The following BCL7A variants were observed in gnomAD, a reference collection of about 807,000 sequenced individuals.
BCL7A encodes B-cell CLL/lymphoma 7 protein family member A.
In BCL7A, 11 loss-of-function variants were observed where a neutral mutation model predicts 28.4. The ratio of observed to expected loss-of-function variants is 0.39; its 90% CI spans 0.24 to 0.64. BCL7A has a LOEUF of 0.64. Among genes scored for constraint, BCL7A ranks in the 30% least tolerant of loss-of-function variants. The probability of loss-of-function intolerance (pLI) is 0.50; values close to 1 mark genes in which losing one functional copy is unlikely to be tolerated. For synonymous variants in BCL7A, 123 were observed against 103.3 expected, an observed-to-expected ratio of 1.19 and a Z score of -1.15; for missense variants, 222 against 274.8, an observed-to-expected ratio of 0.81 and a Z score of 1.36.
At chr12:122,038,609 C>CCT (rs1489706851) in intron 3 of BCL7A, among the ~76,000 whole-genome samples, 7 of 152,008 alleles carry the variant, frequency 4.6e-5, no homozygotes. Context: ...ATCCCCTTTC[C>CCT]CTCTGGGGAC....
At chr12:122,050,039 A>C (rs1013556731) in intron 4 of BCL7A, among the ~76,000 whole-genome samples, 2 of 152,130 alleles carry the variant, frequency 1.3e-5, no homozygotes, top group Non-Finnish European at 2.9e-5. Context: ...CAGTGATGCA[A>C]TCTGGGCTCA....
At chr12:122,027,930 G>C (rs1169096) in intron 1 of BCL7A, among the ~76,000 whole-genome samples, 50,992 of 152,084 alleles carry the variant, frequency 0.34, 8,923 homozygotes, top group East Asian at 0.56. Flanking sequence ...TTGGGGAGGG[G>C]TATGTGTTCT....
In BCL7A at chr12:122,060,172, C is replaced by T. The variant is rs571859736; in HGVS notation, c.*1009C>T. On this transcript the variant is annotated 3_prime_UTR_variant, in exon 6 of 6. Transcript: ENST00000261822. ...ATAGGACGTCGCTTGGATTTCAAAT[C>T]CACGGTCACCTGCTGCCCTTTGCCT... 4.7e-5 allele frequency: 11 copies of T among 233,194 alleles called. No homozygotes were observed. In the South Asian group the frequency reaches 2.0e-3, roughly 42 times the overall value. The allele number at this position is 233,194 out of a possible 1,614,324, so 14.4% of individuals were successfully genotyped here. A position where few individuals can be genotyped will look rare whatever the true frequency, so the allele number is the denominator to read the frequency against.
Position 122,054,785 on chromosome 12 carries a change from T to G in BCL7A, c.440-20T>G. Reference sequence around the variant, plus strand: ...CTCACGTGTCTGAAAACAGCTCCTGTCGTCTTGCTCTTCCCTCAGATGCTT... The same window carrying G: ...CTCACGTGTCTGAAAACAGCTCCTGGCGTCTTGCTCTTCCCTCAGATGCTT... On this transcript the variant is annotated intron_variant, in intron 4 of 5. Coordinates refer to ENST00000261822, the MANE Select transcript of BCL7A (RefSeq NM_001024808.3). 6.2e-7 allele frequency: 1 copy of G among 1,608,784 alleles called. No homozygotes were observed. Among genetic ancestry groups the G allele is most frequent in the Non-Finnish European group, 8.5e-7 (1 of 1,176,378 alleles).
intron 5 of BCL7A, among the ~76,000 whole-genome samples, chr12:122,056,714 G>A (rs776689208): frequency 5.3e-5 from 8 of 152,188 alleles, no homozygotes; most frequent in Non-Finnish European, 1.2e-4. Context: ...GCTGAGGCGG[G>A]AGGATTGCTT....
chr12:122,056,454 G>A (rs184986700), intron 5 of BCL7A, among the ~76,000 whole-genome samples: 1 of 152,230 alleles, frequency 6.6e-6, no homozygotes, highest in Non-Finnish European at 1.5e-5. Context: ...AGCTAGGTGT[G>A]TGAGTGACAT....
chr12:122,047,846 T>C (rs1305809429), intron 4 of BCL7A, among the ~76,000 whole-genome samples: 1 of 151,584 alleles, frequency 6.6e-6, no homozygotes. Context: ...TTGAAGCTAT[T>C]TCTCTATCAG....
At chr12:122,041,638 C>G (rs968252257) in intron 3 of BCL7A, among the ~76,000 whole-genome samples, 6 of 152,296 alleles carry the variant, frequency 3.9e-5, no homozygotes, top group African/African-American at 1.4e-4. Context: ...GTGGCACATG[C>G]CTGTGGCCCC....
chr12:122,042,870 A>C (rs889364701), intron 3 of BCL7A, among the ~76,000 whole-genome samples: 4 of 152,168 alleles, frequency 2.6e-5, no homozygotes, highest in African/African-American at 9.7e-5. Flanking sequence ...TTTAAAACCC[A>C]GACCATATTC....
chr12:122,054,107 C>T (rs973695414), intron 4 of BCL7A, among the ~76,000 whole-genome samples: 5 of 152,126 alleles, frequency 3.3e-5, no homozygotes, highest in Non-Finnish European at 5.9e-5. Flanking sequence ...TATTTTGAGA[C>T]GGAGTTTCGC....
In BCL7A at chr12:122,059,167, A is replaced by T. The variant is rs562062691; in HGVS notation, c.*4A>T. On this transcript the variant is annotated 3_prime_UTR_variant, in exon 6 of 6. Coordinates refer to ENST00000261822, the MANE Select transcript of BCL7A (RefSeq NM_001024808.3). The surrounding 1 kb of genome is among the most constrained non-coding windows in gnomAD (Gnocchi z 4.0). Reference sequence around the variant, plus strand: ...ACAAAACTCCGAAGAGATGTAGACGATGCTTTAAAGCCTCCGATCCATGTT... The same window carrying T: ...ACAAAACTCCGAAGAGATGTAGACGTTGCTTTAAAGCCTCCGATCCATGTT... 9 of 1,609,046 alleles carry T rather than the reference A, an allele frequency of 5.6e-6. No homozygotes were observed. In the South Asian group the frequency reaches 9.9e-5, roughly 18 times the overall value.
At chr12:122,027,666 G>C (rs541451354) in intron 1 of BCL7A, among the ~76,000 whole-genome samples, 1 of 152,154 alleles carries the variant, frequency 6.6e-6, no homozygotes, top group Non-Finnish European at 1.5e-5. Context: ...GGTGAAACCC[G>C]TCTCTACTAA....
intron 3 of BCL7A, among the ~76,000 whole-genome samples, chr12:122,040,895 A>G (rs1883952029): frequency 6.6e-6 from 1 of 152,166 alleles, no homozygotes; most frequent in South Asian, 2.1e-4. Context: ...GACGTTAAAC[A>G]TTAGTGCTCA....
Position 122,022,032 on chromosome 12 carries a change from G to C in BCL7A, c.-60G>C. 6.9e-7 allele frequency: 1 copy of C among 1,458,374 alleles called. No homozygotes were observed. The highest frequency in any genetic ancestry group is 1.2e-5 in the South Asian group (1 of 81,590). The allele number at this position is 1,458,374 out of a possible 1,614,324, so 90.3% of individuals were successfully genotyped here. ...GCGGGCGGGCGCGAGTGTGGCCGCC[G>C]CGGAGCGCGAGCAGGACCCGGCGGG... On this transcript the variant is annotated 5_prime_UTR_variant, in exon 1 of 6. Transcript: ENST00000261822.
At chr12:122,038,754 G>C (rs940283369) in intron 3 of BCL7A, among the ~76,000 whole-genome samples, 2 of 152,192 alleles carry the variant, frequency 1.3e-5, no homozygotes, top group Admixed American at 6.5e-5. Context: ...TCCCCTGGCT[G>C]TGTGATCTTG....
intron 2 of BCL7A, among the ~76,000 whole-genome samples, chr12:122,033,708 G>C (rs1883788974): frequency 6.6e-6 from 1 of 151,460 alleles, no homozygotes; most frequent in Admixed American, 6.6e-5. Context: ...CCTCCTGCCT[G>C]AGCCTCCCAA....
At chr12:122,023,344 T>C (rs1018714515) in intron 1 of BCL7A, among the ~76,000 whole-genome samples, 19 of 152,212 alleles carry the variant, frequency 1.2e-4, no homozygotes, top group Admixed American at 2.6e-4. Context: ...CGACCCTTTA[T>C]TTCGAGCCTG....
rs2135832223 is a variant in BCL7A at position 122,021,938 on chromosome 12, G to GTT, written c.-153_-152insTT. ...GCTTTGTGTGTGTGTGTATGTGTGT[G>GTT]TGTGTGTGTGTGTGTGTGTGAGTGT... On this transcript the variant is annotated 5_prime_UTR_variant, in exon 1 of 6. An upstream open reading frame in the 5' UTR loses its in-frame stop. Transcript: ENST00000261822. The GTT allele has an allele frequency of 1.8e-6, 1 of 565,692 alleles. No homozygotes were observed. Among genetic ancestry groups the GTT allele is most frequent in the African/African-American group, 2.0e-5 (1 of 50,442 alleles). 35.0% of individuals were successfully genotyped at this position (565,692 alleles called of 1,614,324 possible).
At chr12:122,030,648 TCCC>T in intron 1 of BCL7A, 49 bp from the exon 2 acceptor site, 1 of 1,525,678 alleles carries the variant, frequency 6.6e-7, no homozygotes, top group Non-Finnish European at 9.1e-7. Context: ...GTGGCCTGTG[TCCC>T]CCAGGGATGA....
Sources: gnomAD v4.1 joint callset for allele counts (sites outside exome capture counted in the v4.1 genomes callset) on GRCh38, gnomAD v4.1.1 for gene constraint, Gnocchi (gnomAD v3.1) non-coding constraint, MANE v1.5 for transcripts, NCBI Gene and HGNC (gene_info 2026-07-23, HGNC 2026-07-21) for gene names.